Variants in AUTS2 observed in about 807,000 individuals in gnomAD.
The protein encoded by AUTS2 is autism susceptibility gene 2 protein.
In AUTS2, 17 loss-of-function variants were observed where a neutral mutation model predicts 112.4. The observed-to-expected ratio is 0.15, with a 90% CI of 0.10 to 0.23. The LOEUF is 0.23. Among genes scored for constraint, AUTS2 ranks in the 10% least tolerant of loss-of-function variants. The pLI, the probability that AUTS2 is intolerant of heterozygous loss-of-function variation, is 1.00. For synonymous variants in AUTS2, 751 were observed against 702.7 expected (o/e 1.07, Z -1.09); for missense variants, 1,510 against 1,701.6 (o/e 0.89, Z 1.98).
chr7:69,891,002 T>C (rs573017599), intron 1 of AUTS2, among the ~76,000 whole-genome samples: 1 of 152,350 alleles, frequency 6.6e-6, no homozygotes, highest in Non-Finnish European at 1.5e-5. Flanking sequence ...TAATTTACAT[T>C]CCAGTAAACT....
intron 4 of AUTS2, among the ~76,000 whole-genome samples, chr7:70,297,929 G>GGA (rs1789020305): frequency 6.6e-6 from 1 of 152,186 alleles, no homozygotes; most frequent in South Asian, 2.1e-4. Flanking sequence ...ACAGTGGATG[G>GGA]GAGAGCTCGG....
chr7:69,893,768 T>G (rs1165915766), intron 1 of AUTS2, among the ~76,000 whole-genome samples: 1 of 152,232 alleles, frequency 6.6e-6, no homozygotes, highest in Non-Finnish European at 1.5e-5. Flanking sequence ...CATTTTCTAT[T>G]GTCTCTGGCT....
At chr7:69,622,981 C>T (rs990253087) in intron 1 of AUTS2, among the ~76,000 whole-genome samples, 1 of 152,148 alleles carries the variant, frequency 6.6e-6, no homozygotes, top group African/African-American at 2.4e-5. Flanking sequence ...GACGGAGTCT[C>T]CTTATGTTGC....
At position 70,765,119 on chromosome 7, in the gene AUTS2, T is replaced by C. The variant is rs970531724; in HGVS notation, c.1468+114T>C. ...TTGCATTTGCCTACAATTTTTTCCT[T>C]CCTTACTGTGATCTTCCTCAAACGC... On this transcript the variant is annotated intron_variant, in intron 8 of 18. Transcript: ENST00000342771. The C allele has an allele frequency of 2.2e-5, 31 of 1,396,604 alleles. No individual in the cohort carries two copies. The African/African-American group carries it at 4.2e-4, about 19-fold the overall frequency. 86.5% of individuals were successfully genotyped at this position (1,396,604 alleles called of 1,614,324 possible).
chr7:69,671,621 G>A (rs750359633), intron 1 of AUTS2, among the ~76,000 whole-genome samples: 2 of 151,702 alleles, frequency 1.3e-5, no homozygotes, highest in Non-Finnish European at 2.9e-5. Context: ...AGTTTGGGAT[G>A]GATCTCAGGG....
intron 5 of AUTS2, among the ~76,000 whole-genome samples, chr7:70,447,043 G>A (rs990806398): frequency 6.6e-6 from 1 of 152,198 alleles, no homozygotes; most frequent in African/African-American, 2.4e-5. Context: ...TCTAAGGAGA[G>A]CCCAGGGTAA....
intron 5 of AUTS2, among the ~76,000 whole-genome samples, chr7:70,626,220 C>CT (rs925818921): frequency 6.9e-6 from 1 of 145,856 alleles, no homozygotes; most frequent in African/African-American, 2.5e-5. Flanking sequence ...CTCTGAAGAT[C>CT]TTTTTTAAAG....
chr7:70,457,202 G>A (rs1290364649), intron 5 of AUTS2, among the ~76,000 whole-genome samples: 2 of 152,136 alleles, frequency 1.3e-5, no homozygotes, highest in Non-Finnish European at 2.9e-5. Flanking sequence ...ATAACTGACC[G>A]GGGCTGTGCC....
At chr7:70,530,585 C>G (rs1025896810) in intron 5 of AUTS2, among the ~76,000 whole-genome samples, 2 of 152,146 alleles carry the variant, frequency 1.3e-5, no homozygotes, top group Non-Finnish European at 1.5e-5. Context: ...TGGGTTGTGC[C>G]TCTGCAGGAT....
At chr7:69,737,200 T>C (rs961309892) in intron 1 of AUTS2, among the ~76,000 whole-genome samples, 3 of 152,120 alleles carry the variant, frequency 2.0e-5, no homozygotes, top group Non-Finnish European at 4.4e-5. Flanking sequence ...GTTGTGCGAG[T>C]GTATAGATTG....
chr7:70,776,440 T>TA (rs1415050852), intron 13 of AUTS2, among the ~76,000 whole-genome samples: 1 of 152,148 alleles, frequency 6.6e-6, no homozygotes, highest in East Asian at 1.9e-4. Flanking sequence ...GAGGATGGAC[T>TA]TGAGATCTGC....
intron 1 of AUTS2, among the ~76,000 whole-genome samples, chr7:69,871,528 A>G (rs1793496575): frequency 6.6e-6 from 1 of 152,210 alleles, no homozygotes; most frequent in Non-Finnish European, 1.5e-5. Context: ...AACAACAATA[A>G]CAGAGATTTA....
chr7:70,260,853 G>A (rs1584945131), intron 4 of AUTS2, among the ~76,000 whole-genome samples: 1 of 151,646 alleles, frequency 6.6e-6, no homozygotes, highest in Non-Finnish European at 1.5e-5. Flanking sequence ...GGGTTCAAGC[G>A]ATTCTACTGC....
At chr7:69,891,774 C>CT (rs763424098) in intron 1 of AUTS2, among the ~76,000 whole-genome samples, 884 of 26,734 alleles carry the variant, frequency 0.033, 404 homozygotes, top group Non-Finnish European at 0.056. Flanking sequence ...AGACAGATAT[C>CT]TTTTTTTTTT....
chr7:70,601,013 T>G (rs1003733465), intron 5 of AUTS2, among the ~76,000 whole-genome samples: 1 of 152,244 alleles, frequency 6.6e-6, no homozygotes, highest in Admixed American at 6.5e-5. Context: ...TATGGACATA[T>G]TTCTTCAATT....
At chr7:70,784,146 G>A (rs1192791692) in intron 15 of AUTS2, 1 of 152,192 alleles carries the variant, frequency 6.6e-6, no homozygotes, top group Admixed American at 6.5e-5. Context: ...CAAAACATAA[G>A]AATCAACCAG....
At chr7:70,720,113 T>C (rs1810584046) in intron 6 of AUTS2, among the ~76,000 whole-genome samples, 1 of 152,168 alleles carries the variant, frequency 6.6e-6, no homozygotes, top group Non-Finnish European at 1.5e-5. Context: ...AAGCCTTTCC[T>C]GCCAAAATCT....
At chr7:70,028,496 C>G (rs1039603438) in intron 2 of AUTS2, among the ~76,000 whole-genome samples, 1 of 152,158 alleles carries the variant, frequency 6.6e-6, no homozygotes, top group Non-Finnish European at 1.5e-5. Context: ...CATAGCGTTT[C>G]TGACAGGCTG....
chr7:70,585,714 A>G (rs1053188619), intron 5 of AUTS2, among the ~76,000 whole-genome samples: 3 of 152,154 alleles, frequency 2.0e-5, no homozygotes, highest in African/African-American at 4.8e-5. Flanking sequence ...CACCCTCGCT[A>G]TTACCCACAA....
Sources: gnomAD v4.1 joint callset for allele counts (sites outside exome capture counted in the v4.1 genomes callset) on GRCh38, gnomAD v4.1.1 for gene constraint, MANE v1.5 for transcripts, NCBI Gene and HGNC (gene_info 2026-07-23, HGNC 2026-07-21) for gene names.